ADGRL3: variants seen among roughly 807,000 people sequenced by gnomAD.
The protein encoded by ADGRL3 is calcium-independent alpha-latrotoxin receptor 3.
ADGRL3 carries 62 observed loss-of-function variants against 153.5 expected under a neutral mutation model. The observed-to-expected ratio is 0.40, with a 90% confidence interval of 0.33 to 0.50. The LOEUF is 0.50. ADGRL3 is among the 20% of genes least tolerant of loss of function. The probability of loss-of-function intolerance (pLI) is 0.47; values close to 1 mark genes in which losing one functional copy is unlikely to be tolerated. For missense variants in ADGRL3, 1,641 were observed against 1,859.4 expected, an observed-to-expected ratio of 0.88 and a Z score of 2.16; for synonymous variants, 710 against 672.5, an observed-to-expected ratio of 1.06 and a Z score of -0.86.
intron 5 of ADGRL3, among the ~76,000 whole-genome samples, chr4:61,654,918 A>G (rs551744903): frequency 1.5e-3 from 229 of 152,300 alleles, no homozygotes; most frequent in Non-Finnish European, 2.4e-3. Context: ...AGAAAACAGA[A>G]AAAATAAACT....
chr4:61,262,912 T>A (rs2149628391), intron 1 of ADGRL3, among the ~76,000 whole-genome samples: 1 of 152,232 alleles, frequency 6.6e-6, no homozygotes, highest in East Asian at 1.9e-4. Flanking sequence ...TTAAAAATGT[T>A]TCTGGACCAG....
intron 17 of ADGRL3, among the ~76,000 whole-genome samples, chr4:61,948,510 C>A (rs1346590980): frequency 2.0e-5 from 3 of 152,062 alleles, no homozygotes; most frequent in Non-Finnish European, 4.4e-5. Context: ...AATAAACTTC[C>A]CCTAGTCTCC....
At chr4:61,609,913 A>G (rs2099046473) in intron 5 of ADGRL3, among the ~76,000 whole-genome samples, 1 of 151,996 alleles carries the variant, frequency 6.6e-6, no homozygotes, top group South Asian at 2.1e-4. Context: ...AATTGAAATG[A>G]AAGATATATA....
At chr4:61,551,180 C>A (rs1210162447) in intron 4 of ADGRL3, among the ~76,000 whole-genome samples, 1 of 152,058 alleles carries the variant, frequency 6.6e-6, no homozygotes, top group East Asian at 1.9e-4. Context: ...TTCTCCAGAA[C>A]CAGGCCTTGA....
At chr4:61,325,290 G>A (rs754898109) in intron 1 of ADGRL3, among the ~76,000 whole-genome samples, 10 of 152,000 alleles carry the variant, frequency 6.6e-5, no homozygotes, top group Non-Finnish European at 1.0e-4. Flanking sequence ...CCAGCCTGGC[G>A]ACAGTGAGAG....
intron 1 of ADGRL3, among the ~76,000 whole-genome samples, chr4:61,205,900 C>G (rs556342604): frequency 6.6e-6 from 1 of 152,272 alleles, no homozygotes; most frequent in South Asian, 2.1e-4. Flanking sequence ...TGTCATTACT[C>G]TGATCTGAGT....
intron 5 of ADGRL3, among the ~76,000 whole-genome samples, chr4:61,607,548 C>T (rs1262590246): frequency 6.6e-6 from 1 of 151,980 alleles, no homozygotes; most frequent in Non-Finnish European, 1.5e-5. Context: ...TGCAGTGAGC[C>T]GAGATTGCAT....
rs1185370061 is a variant in ADGRL3, at chr4:61,544,238, TG to T, written c.259+26722del. Among the ~76,000 whole-genome samples the T allele has an allele frequency of 2.0e-4, 30 of 152,184 alleles. 1 individual carries two copies. Among genetic ancestry groups the T allele is most frequent in the Admixed American group, 1.4e-3 (22 of 15,270 alleles). ...TCTTCATAGCTGCACCCAACCTTAA[TG>T]GTGTTCAGTTTTCTGATATTTTTTA... is the stretch of plus-strand genomic sequence containing the variant. On this transcript the variant is annotated intron_variant, in intron 4 of 26. Transcript: ENST00000683033.
intron 9 of ADGRL3, among the ~76,000 whole-genome samples, chr4:61,835,730 A>C (rs558622323): frequency 1.3e-5 from 2 of 151,710 alleles, no homozygotes; most frequent in Non-Finnish European, 2.9e-5. Flanking sequence ...CCATGGGGGG[A>C]AAAAACCTCA....
chr4:61,662,981 C>G (rs1185492188), intron 5 of ADGRL3, among the ~76,000 whole-genome samples: 3 of 152,146 alleles, frequency 2.0e-5, no homozygotes, highest in Non-Finnish European at 2.9e-5. Context: ...GGACACCGTG[C>G]CTGTGGAGAG....
At chr4:62,006,216 A>G (rs1315688205) in intron 21 of ADGRL3, among the ~76,000 whole-genome samples, 1 of 151,054 alleles carries the variant, frequency 6.6e-6, no homozygotes, top group Non-Finnish European at 1.5e-5. Flanking sequence ...TTGTATTTTT[A>G]GTAGAGATGG....
At chr4:61,823,875 C>T (rs1277855720) in intron 9 of ADGRL3, among the ~76,000 whole-genome samples, 1 of 152,056 alleles carries the variant, frequency 6.6e-6, no homozygotes, top group Non-Finnish European at 1.5e-5. Flanking sequence ...TCCTGGCTAA[C>T]ATGGTGAAAC....
At chr4:61,642,256 C>T (rs370181812) in intron 5 of ADGRL3, among the ~76,000 whole-genome samples, 46 of 152,068 alleles carry the variant, frequency 3.0e-4, no homozygotes, top group African/African-American at 9.4e-4. Flanking sequence ...ACTCTGATGG[C>T]AGTTTCTTTT....
At chr4:61,690,679 A>G (rs868450343) in intron 6 of ADGRL3, among the ~76,000 whole-genome samples, 2 of 152,056 alleles carry the variant, frequency 1.3e-5, no homozygotes, top group African/African-American at 2.4e-5. Context: ...GAGGAAATGT[A>G]TTTATTTCTA....
intron 4 of ADGRL3, among the ~76,000 whole-genome samples, chr4:61,578,285 G>A (rs556818443): frequency 6.6e-6 from 1 of 152,044 alleles, no homozygotes; most frequent in Non-Finnish European, 1.5e-5. Flanking sequence ...GGTAAATGGG[G>A]ATGATAATTT....
chr4:61,402,506 T>C (rs1428777550), intron 2 of ADGRL3, among the ~76,000 whole-genome samples: 3 of 152,046 alleles, frequency 2.0e-5, no homozygotes, highest in African/African-American at 4.8e-5. Context: ...CAGATCAACT[T>C]AAAAATGTTA....
chr4:61,693,957 T>C (rs1246560109), intron 6 of ADGRL3, among the ~76,000 whole-genome samples: 1 of 152,106 alleles, frequency 6.6e-6, no homozygotes, highest in African/African-American at 2.4e-5. Context: ...CTTTGGATCT[T>C]AAGTATGACA....
intron 8 of ADGRL3, among the ~76,000 whole-genome samples, chr4:61,758,077 CA>C (rs147728605): frequency 0.087 from 13,185 of 152,146 alleles, 1,206 homozygotes; most frequent in African/African-American, 0.23. Flanking sequence ...CAGTGTGGTG[CA>C]CAGAAGAATG....
chr4:61,584,076 A>T (rs545023777), intron 4 of ADGRL3, among the ~76,000 whole-genome samples: 3 of 152,134 alleles, frequency 2.0e-5, no homozygotes, highest in Admixed American at 1.3e-4. Context: ...TTTTCTTAAC[A>T]AAAACCTTTT....
Sources: allele counts gnomAD v4.1 joint callset (sites outside exome capture counted in the v4.1 genomes callset), GRCh38; gene constraint gnomAD v4.1.1; transcripts MANE v1.5; gene names NCBI Gene and HGNC (gene_info 2026-07-23, HGNC 2026-07-21).